C8orf34: variants seen among roughly 807,000 people sequenced by gnomAD.
C8orf34 encodes uncharacterized protein C8orf34.
C8orf34 carries 65 observed loss-of-function variants against 68.3 expected under a neutral mutation model. The ratio of observed to expected loss-of-function variants is 0.95; its 90% CI spans 0.78 to 1.17. The LOEUF is 1.17. C8orf34 is among the 50% of genes most tolerant of loss of function. C8orf34 has a pLI of 0.00. For synonymous variants in C8orf34, 244 were observed against 241.2 expected (o/e 1.01, Z -0.11); for missense variants, 664 against 655.4 (o/e 1.01, Z -0.14).
chr8:68,359,596 C>T (rs907126608), intron 1 of C8orf34, among the ~76,000 whole-genome samples: 41 of 152,208 alleles, frequency 2.7e-4, no homozygotes, highest in African/African-American at 7.9e-4. Context: ...GGAAGTGGAA[C>T]GAGTGAGCCA....
intron 4 of C8orf34, among the ~76,000 whole-genome samples, chr8:68,471,102 G>C (rs1384115046): frequency 6.6e-6 from 1 of 152,070 alleles, no homozygotes; most frequent in Non-Finnish European, 1.5e-5. Flanking sequence ...AAAGCTATAT[G>C]TGACTCCATA....
At chr8:68,454,005 A>C (rs1479595984) in intron 3 of C8orf34, among the ~76,000 whole-genome samples, 4 of 151,878 alleles carry the variant, frequency 2.6e-5, no homozygotes, top group Non-Finnish European at 4.4e-5. Context: ...ATTTTTTTCC[A>C]GTGCTTTTTC....
At chr8:68,485,729 AAATAAAT>A in intron 4 of C8orf34, among the ~76,000 whole-genome samples, 1 of 149,264 alleles carries the variant, frequency 6.7e-6, no homozygotes, top group Admixed American at 6.7e-5. Flanking sequence ...AATAAAAAAT[AAATAAAT>A]AAATAAATAA....
At chr8:68,522,271 T>C (rs887271025) in intron 6 of C8orf34, among the ~76,000 whole-genome samples, 2 of 152,120 alleles carry the variant, frequency 1.3e-5, no homozygotes, top group African/African-American at 4.8e-5. Context: ...ACTATAATAT[T>C]GGACAGAGAG....
At chr8:68,513,678 A>G (rs1042961255) in intron 5 of C8orf34, among the ~76,000 whole-genome samples, 1 of 152,260 alleles carries the variant, frequency 6.6e-6, no homozygotes, top group African/African-American at 2.4e-5. Context: ...TTCCTCCACC[A>G]GGAGAAATGC....
At chr8:68,758,327 G>C (rs1281355163) in intron 10 of C8orf34, among the ~76,000 whole-genome samples, 1 of 152,166 alleles carries the variant, frequency 6.6e-6, no homozygotes, top group Non-Finnish European at 1.5e-5. Flanking sequence ...TTTTGTTTCT[G>C]TGGGTCAGTA....
intron 3 of C8orf34, among the ~76,000 whole-genome samples, chr8:68,463,661 C>T (rs971010351): frequency 1.6e-4 from 24 of 152,202 alleles, no homozygotes; most frequent in Admixed American, 3.3e-4. Flanking sequence ...AAATGTAATC[C>T]AGCATATAAA....
chr8:68,489,989 G>A (rs1813242114), intron 5 of C8orf34, among the ~76,000 whole-genome samples: 1 of 152,264 alleles, frequency 6.6e-6, no homozygotes, highest in East Asian at 1.9e-4. Flanking sequence ...ACTCCAGGCA[G>A]AACTCCATGT....
intron 12 of C8orf34, among the ~76,000 whole-genome samples, chr8:68,804,203 C>A (rs9693530): frequency 0.01 from 1,582 of 152,212 alleles, 23 homozygotes; most frequent in African/African-American, 0.035. Context: ...AATTAAGAGC[C>A]AAATCTGCCA....
chr8:68,704,517 C>A (rs1018595435), intron 8 of C8orf34, among the ~76,000 whole-genome samples: 2 of 151,926 alleles, frequency 1.3e-5, no homozygotes, highest in Non-Finnish European at 2.9e-5. Flanking sequence ...AAATGACTTA[C>A]GAAGGAAGCC....
intron 8 of C8orf34, among the ~76,000 whole-genome samples, chr8:68,702,414 G>T (rs555610830): frequency 6.6e-6 from 1 of 152,206 alleles, no homozygotes; most frequent in South Asian, 2.1e-4. Flanking sequence ...TGTTTGATTT[G>T]CAAGACTGCA....
chr8:68,617,649 G>A (rs1416307811), intron 7 of C8orf34, among the ~76,000 whole-genome samples: 1 of 152,208 alleles, frequency 6.6e-6, no homozygotes, highest in African/African-American at 2.4e-5. Context: ...TCTGCTGAGA[G>A]ATCCGCTGTT....
chr8:68,777,298 C>G (rs1823547506), intron 11 of C8orf34, among the ~76,000 whole-genome samples: 1 of 152,190 alleles, frequency 6.6e-6, no homozygotes, highest in Non-Finnish European at 1.5e-5. Flanking sequence ...CATGTTCCCA[C>G]CTGGAGAGAA....
chr8:68,395,655 CCTTGTGGTTTAGGAGTTCATAGTCTA>C lies in C8orf34; in HGVS notation c.328-43843_328-43818del, dbSNP rs1451601122. 3.9e-5 allele frequency among the ~76,000 whole-genome samples: 6 copies of C among 152,108 alleles called. No individual in the cohort carries two copies. In the East Asian group the frequency reaches 1.2e-3, roughly 30 times the overall value. On this transcript the variant is annotated intron_variant, in intron 1 of 13. Coordinates refer to ENST00000518698, the MANE Select transcript of C8orf34 (RefSeq NM_052958.4). The stretch of plus-strand genomic sequence containing the variant: ...GTTTAGAATGTATGAAAGCTAAGAT[CCTTGTGGTTTAGGAGTTCATAGTCTA>C]TGAAGAAAGTGGCACGTAGACAACT...
intron 8 of C8orf34, among the ~76,000 whole-genome samples, chr8:68,700,187 T>C (rs996640344): frequency 2.6e-5 from 4 of 151,926 alleles, no homozygotes; most frequent in Admixed American, 1.3e-4. Context: ...TAGAAAAGAA[T>C]ATACTAAAAT....
intron 7 of C8orf34, among the ~76,000 whole-genome samples, chr8:68,634,289 G>C (rs1818775010): frequency 6.6e-6 from 1 of 152,138 alleles, no homozygotes; most frequent in African/African-American, 2.4e-5. Flanking sequence ...TAATTTTCTT[G>C]CACCTGCTGT....
intron 4 of C8orf34, among the ~76,000 whole-genome samples, chr8:68,482,256 C>T (rs1812890998): frequency 6.6e-6 from 1 of 152,098 alleles, no homozygotes; most frequent in African/African-American, 2.4e-5. Flanking sequence ...CTGGGGCCTC[C>T]CCACGTGTGT....
chr8:68,477,409 G>C (rs944264891), intron 4 of C8orf34, among the ~76,000 whole-genome samples: 2 of 152,240 alleles, frequency 1.3e-5, no homozygotes, highest in Non-Finnish European at 2.9e-5. Flanking sequence ...ACAAAGCAGA[G>C]ACTCCTCATG....
At chr8:68,779,156 G>T (rs948715063) in intron 11 of C8orf34, among the ~76,000 whole-genome samples, 2 of 150,208 alleles carry the variant, frequency 1.3e-5, no homozygotes, top group African/African-American at 4.9e-5. Flanking sequence ...CAGCCTGCGT[G>T]ACAGTATAAG....
Sources: gnomAD v4.1 joint callset for allele counts (sites outside exome capture counted in the v4.1 genomes callset) on GRCh38, gnomAD v4.1.1 for gene constraint, MANE v1.5 for transcripts, NCBI Gene and HGNC (gene_info 2026-07-23, HGNC 2026-07-21) for gene names.